The following ATRNL1 variants were observed in gnomAD, a reference collection of about 807,000 sequenced individuals.
ATRNL1 encodes the protein attractin-like protein 1.
Under a neutral mutation model 182.7 loss-of-function variants are expected in ATRNL1, and 95 were observed. The ratio of observed to expected loss-of-function variants is 0.52; its 90% confidence interval spans 0.44 to 0.62. ATRNL1 has a LOEUF of 0.62. Ranked by LOEUF, ATRNL1 falls within the 20% of genes least tolerant of loss-of-function variation. The pLI is 0.00. For missense variants in ATRNL1, 1,471 were observed against 1,679.5 expected, an observed-to-expected ratio of 0.88 and a Z score of 2.17; for synonymous variants, 576 against 568.3, an observed-to-expected ratio of 1.01 and a Z score of -0.19.
chr10:115,699,769 G>T (rs1946674633), intron 26 of ATRNL1, among the ~76,000 whole-genome samples: 1 of 152,054 alleles, frequency 6.6e-6, no homozygotes, highest in Non-Finnish European at 1.5e-5. Context: ...TGAGGTTTGG[G>T]ATACCATTGA....
chr10:115,677,995 A>G (rs1034941), intron 26 of ATRNL1, among the ~76,000 whole-genome samples: 52,086 of 151,932 alleles, frequency 0.34, 9,987 homozygotes, highest in East Asian at 0.65. Flanking sequence ...TATGTTGAAA[A>G]CATAGTGAAA....
rs372851241 is a variant in ATRNL1 at position 115,461,994 on chromosome 10, C to A, written c.3376C>A (p.Arg1126Ser). ...CTTCAGCTTATTACAGGAAGATGATCGCCACCATACTGCCATAAACTTTAT... is the reference window on the plus strand; with the variant it reads ...CTTCAGCTTATTACAGGAAGATGATAGCCACCATACTGCCATAAACTTTAT... ...FTFSLLQEDD[R>S]HHTAINFIAN... Residue 1126 changes from arginine (R) to serine (S), a missense_variant, in exon 22 of 29, where the codon CGC (arginine) becomes AGC (serine). This residue lies in a region of ATRNL1 where 437 missense variants were observed against 506.0 expected (regional missense o/e 0.86). Coordinates refer to ENST00000355044, the MANE Select transcript of ATRNL1 (RefSeq NM_207303.4). 1.2e-6 allele frequency: 2 copies of A among 1,611,218 alleles called. No homozygotes were observed. The highest frequency in any genetic ancestry group is 8.5e-7 in the Non-Finnish European group (1 of 1,178,520).
At chr10:115,113,454 A>G (rs1416216858) in intron 1 of ATRNL1, among the ~76,000 whole-genome samples, 1 of 152,128 alleles carries the variant, frequency 6.6e-6, no homozygotes, top group African/African-American at 2.4e-5. Context: ...CTGTGTCCCC[A>G]CCCAAATCTT....
chr10:115,387,664 GC>G (rs2134253389), intron 19 of ATRNL1, among the ~76,000 whole-genome samples: 1 of 152,242 alleles, frequency 6.6e-6, no homozygotes, highest in African/African-American at 2.4e-5. Flanking sequence ...GTTATAAATA[GC>G]TCCTATAAAT....
At position 115,583,489 on chromosome 10, in the gene ATRNL1, G is replaced by A. The variant is rs28876417; in HGVS notation, c.3795+33953G>A. Among the ~76,000 whole-genome samples the A allele has an allele frequency of 8.9e-4, 84 of 94,036 alleles. 5 individuals carry two copies. Among genetic ancestry groups the A allele is most frequent in the East Asian group, 6.6e-3 (6 of 914 alleles). 61.7% of individuals were successfully genotyped at this position (94,036 alleles called of 152,430 possible). A position where few individuals can be genotyped will look rare whatever the true frequency, so the allele number is the denominator to read the frequency against. ...ACATCCCTTGTAAGTTGGATTCCTG[G>A]GTATTTTATTCTCTTTGAAGCAATT... On this transcript the variant is annotated intron_variant, in intron 26 of 28. Transcript: ENST00000355044.
chr10:115,488,301 A>G (rs1849125578), intron 24 of ATRNL1, among the ~76,000 whole-genome samples: 1 of 152,224 alleles, frequency 6.6e-6, no homozygotes, highest in Non-Finnish European at 1.5e-5. Flanking sequence ...GAATGGTACC[A>G]GTTCCTCTTG....
At chr10:115,869,437 G>A (rs1401867257) in intron 28 of ATRNL1, among the ~76,000 whole-genome samples, 1 of 152,104 alleles carries the variant, frequency 6.6e-6, no homozygotes. Context: ...GTCTACATGT[G>A]TGTGCCTGTG....
chr10:115,108,649 G>A (rs1341858647), intron 1 of ATRNL1, among the ~76,000 whole-genome samples: 1 of 152,132 alleles, frequency 6.6e-6, no homozygotes, highest in Non-Finnish European at 1.5e-5. Flanking sequence ...AATACACATG[G>A]CTGGCAGAGA....
intron 26 of ATRNL1, among the ~76,000 whole-genome samples, chr10:115,562,350 C>T (rs782641509): frequency 6.6e-6 from 1 of 152,114 alleles, no homozygotes; most frequent in Non-Finnish European, 1.5e-5. Flanking sequence ...TTAATGGGTA[C>T]ATGGGTTCTT....
At chr10:115,336,869 A>G (rs1592476856) in intron 19 of ATRNL1, among the ~76,000 whole-genome samples, 1 of 145,588 alleles carries the variant, frequency 6.9e-6, no homozygotes, top group African/African-American at 2.8e-5. Flanking sequence ...TTTTTTAGAC[A>G]GAGTCTCGCT....
At chr10:115,240,137 T>C (rs925076487) in intron 9 of ATRNL1, among the ~76,000 whole-genome samples, 33 of 152,312 alleles carry the variant, frequency 2.2e-4, no homozygotes, top group African/African-American at 6.7e-4. Flanking sequence ...TTAGCAAAAT[T>C]TTCTTAGGTT....
intron 1 of ATRNL1, among the ~76,000 whole-genome samples, chr10:115,108,726 A>G (rs1844131430): frequency 1.3e-5 from 2 of 152,194 alleles, no homozygotes; most frequent in South Asian, 2.1e-4. Flanking sequence ...CACCCATGCA[A>G]GCTCTCAGCT....
intron 19 of ATRNL1, among the ~76,000 whole-genome samples, chr10:115,371,344 C>G (rs556166845): frequency 1.6e-4 from 24 of 152,242 alleles, no homozygotes; most frequent in Admixed American, 1.6e-3. Flanking sequence ...AGCTGGCACC[C>G]TGCATTTGGA....
intron 24 of ATRNL1, among the ~76,000 whole-genome samples, chr10:115,512,695 A>AT (rs1850448833): frequency 6.6e-6 from 1 of 152,096 alleles, no homozygotes; most frequent in East Asian, 1.9e-4. Flanking sequence ...TGGGGAAAAG[A>AT]CATTTTAACT....
intron 25 of ATRNL1, among the ~76,000 whole-genome samples, chr10:115,535,121 G>A (rs546904860): frequency 1.1e-4 from 17 of 149,828 alleles, no homozygotes; most frequent in South Asian, 6.4e-4. Flanking sequence ...TCTTTGTGGC[G>A]TTCTCTGTAT....
chr10:115,330,497 T>C (rs918369090), intron 18 of ATRNL1, among the ~76,000 whole-genome samples: 2 of 152,064 alleles, frequency 1.3e-5, no homozygotes, highest in African/African-American at 4.8e-5. Context: ...TCAGCTTTTG[T>C]TTATCTGGGA....
At chr10:115,238,392 T>C in intron 9 of ATRNL1, among the ~76,000 whole-genome samples, 1 of 152,222 alleles carries the variant, frequency 6.6e-6, no homozygotes, top group East Asian at 1.9e-4. Flanking sequence ...TCATGTACTA[T>C]CTCTTTATTT....
At chr10:115,238,757 C>A (rs1225411889) in intron 9 of ATRNL1, among the ~76,000 whole-genome samples, 2 of 152,052 alleles carry the variant, frequency 1.3e-5, no homozygotes, top group Non-Finnish European at 2.9e-5. Context: ...TGTCTTATTG[C>A]AGTAGCAAGA....
intron 19 of ATRNL1, among the ~76,000 whole-genome samples, chr10:115,335,031 T>C (rs1258632670): frequency 6.6e-6 from 1 of 152,086 alleles, no homozygotes; most frequent in African/African-American, 2.4e-5. Context: ...GCCTTAGGAA[T>C]TGAAGCACAT....
Sources: gnomAD v4.1 joint callset for allele counts (sites outside exome capture counted in the v4.1 genomes callset) on GRCh38, gnomAD v4.1.1 for gene constraint, gnomAD v4.1.1 regional missense constraint, MANE v1.5 for transcripts, NCBI Gene and HGNC (gene_info 2026-07-23, HGNC 2026-07-21) for gene names.